The following HMCN1 variants were observed in gnomAD, a reference collection of about 807,000 sequenced individuals.
HMCN1 encodes hemicentin-1.
HMCN1 carries 321 observed loss-of-function variants against 625.9 expected under a neutral mutation model. That is an observed-to-expected ratio of 0.51 (90% CI 0.47 to 0.56). The LOEUF (loss-of-function observed/expected upper bound fraction) is 0.56, where lower values mean the gene tolerates loss of function less well. HMCN1 is among the 20% of genes least tolerant of loss of function. HMCN1 has a pLI of 0.00. For missense variants in HMCN1, 6,588 were observed against 6,887.3 expected, an observed-to-expected ratio of 0.96 and a Z score of 1.54; for synonymous variants, 2,425 against 2,417.6, an observed-to-expected ratio of 1.00 and a Z score of -0.09.
intron 15 of HMCN1, among the ~76,000 whole-genome samples, chr1:185,977,465 T>A (rs1053831192): frequency 1.3e-5 from 2 of 152,188 alleles, no homozygotes; most frequent in African/African-American, 4.8e-5. Flanking sequence ...TTGAGCAATT[T>A]GACATAAACT....
At chr1:185,990,161 T>G (rs1299348333) in intron 21 of HMCN1, 114 bp from the exon 22 acceptor site, 1 of 969,428 alleles carries the variant, frequency 1.0e-6, no homozygotes, top group African/African-American at 1.6e-5. Flanking sequence ...ATGTCCTGAA[T>G]AGCATCTTTT....
rs1339916215 is a variant in HMCN1, at chr1:186,112,933, A to G, written c.11111A>G (p.Glu3704Gly). 6.2e-7 allele frequency: 1 copy of G among 1,614,088 alleles called. No individual in the cohort carries two copies. Among genetic ancestry groups the G allele is most frequent in the South Asian group, 1.1e-5 (1 of 91,076 alleles). ...ASNIAGKTTR[E>G]FILTVNVPPN... The stretch of plus-strand genomic sequence containing the variant: ...AACATTGCAGGAAAGACTACAAGAG[A>G]ATTTATTCTCACTGTAAATGGTAAG... Residue 3704 changes from glutamate (E) to glycine (G), a missense_variant, in exon 72 of 107, where the codon GAA becomes GGA. Glu to Gly is a moderately conservative substitution (Grantham distance 98). Transcript: ENST00000271588.
chr1:185,759,351 C>A (rs968138270), intron 1 of HMCN1, among the ~76,000 whole-genome samples: 9 of 152,154 alleles, frequency 5.9e-5, no homozygotes, highest in Non-Finnish European at 1.3e-4. Context: ...AAGACGGGGA[C>A]ATTTTCATGA....
Position 186,015,916 on chromosome 1 carries a change from C to T in HMCN1, c.4910-42C>T, listed in dbSNP as rs190632713. ...ATTTCATTAGAATGTATTTTGTGAC[C>T]ACACAAATAATTGCCTGAAATATTG... On this transcript the variant is annotated intron_variant, in intron 31 of 106. Transcript: ENST00000271588. 1.6e-3 allele frequency: 2,474 copies of T among 1,559,314 alleles called. 23 individuals carry two copies. Among genetic ancestry groups the T allele is most frequent in the Middle Eastern group, 5.9e-3 (35 of 5,952 alleles).
intron 71 of HMCN1, among the ~76,000 whole-genome samples, chr1:186,112,569 A>G (rs1034592732): frequency 6.6e-6 from 1 of 152,182 alleles, no homozygotes; most frequent in Non-Finnish European, 1.5e-5. Flanking sequence ...TCACCTGCCC[A>G]TTCTTGAATG....
At chr1:186,048,580 A>G (rs551263858) in intron 41 of HMCN1, among the ~76,000 whole-genome samples, 163 bp from the exon 42 acceptor site, 56 of 152,240 alleles carry the variant, frequency 3.7e-4, no homozygotes, top group African/African-American at 1.3e-3. Flanking sequence ...GTTGTGTTGA[A>G]ACTGGGTGAT....
At chr1:185,808,415 A>AG (rs1161889775) in intron 1 of HMCN1, among the ~76,000 whole-genome samples, 1 of 152,132 alleles carries the variant, frequency 6.6e-6, no homozygotes, top group African/African-American at 2.4e-5. Context: ...ACTATTCCAG[A>AG]GGCTGAGGTG....
intron 4 of HMCN1, among the ~76,000 whole-genome samples, chr1:185,877,317 CTTTCTTTTTTTTTT>C (rs1243684597): frequency 2.3e-5 from 1 of 42,720 alleles, no homozygotes; most frequent in Non-Finnish European, 5.0e-5. Flanking sequence ...ATCTATGTGT[CTTTCTTTTTTTTTT>C]TTTTTTTTTT....
rs537132870 is a variant in HMCN1 at position 185,975,908 on chromosome 1, G to A, written c.2372-1879G>A. 3.3e-3 allele frequency among the ~76,000 whole-genome samples: 495 copies of A among 149,556 alleles called. 4 individuals are homozygous for A. Among genetic ancestry groups the A allele is most frequent in the African/African-American group, 0.011 (446 of 39,822 alleles). On this transcript the variant is annotated intron_variant, in intron 15 of 106. Coordinates refer to ENST00000271588, the MANE Select transcript of HMCN1 (RefSeq NM_031935.3). Reference sequence around the variant, plus strand: ...ACCAGACACACACACACACACACACGCACACACACACTGTGTTATTACTGA... The same window carrying A: ...ACCAGACACACACACACACACACACACACACACACACTGTGTTATTACTGA...
chr1:186,005,954 G>T (rs1487155308), intron 29 of HMCN1, among the ~76,000 whole-genome samples: 1 of 152,026 alleles, frequency 6.6e-6, no homozygotes, highest in Non-Finnish European at 1.5e-5. Context: ...TGGCCAACAT[G>T]GTGAAACTCC....
At chr1:185,768,174 C>T (rs780124308) in intron 1 of HMCN1, among the ~76,000 whole-genome samples, 2 of 152,146 alleles carry the variant, frequency 1.3e-5, no homozygotes, top group Non-Finnish European at 2.9e-5. Flanking sequence ...GAGAAAGAAG[C>T]CCACTTCGTT....
At chr1:185,818,116 A>G (rs925765418) in intron 1 of HMCN1, among the ~76,000 whole-genome samples, 23 of 152,176 alleles carry the variant, frequency 1.5e-4, no homozygotes, top group Non-Finnish European at 2.6e-4. Flanking sequence ...ACACACCTCT[A>G]TCTGCACCTA....
Position 186,067,914 on chromosome 1 carries a change from G to T in HMCN1, c.7786G>T (p.Val2596Phe), listed in dbSNP as rs762704282. Reference protein sequence around the residue: ...TVILNSPTSLVCEAYSYPPAT... With the variant: ...TVILNSPTSLFCEAYSYPPAT... ...CATCCTTAACAGCCCTACATCTTTG[G>T]TCTGTGAAGCTTATTCATATCCTCC... is the stretch of plus-strand genomic sequence containing the variant. Residue 2596 changes from valine to phenylalanine, a missense_variant, in exon 50 of 107, where the codon GTC becomes TTC. By Grantham distance (50) the Val-to-Phe change is conservative. Coordinates refer to ENST00000271588, the MANE Select transcript of HMCN1 (RefSeq NM_031935.3). The T allele has an allele frequency of 1.2e-6, 2 of 1,613,198 alleles. No individual in the cohort carries two copies. Among genetic ancestry groups the T allele is most frequent in the Non-Finnish European group, 1.7e-6 (2 of 1,179,274 alleles).
rs1414657014 is a variant in HMCN1, at chr1:186,041,117, C to T, written c.6285C>T (p.Asp2095=). 1 of 1,612,652 alleles carries T rather than the reference C, an allele frequency of 6.2e-7. No homozygotes were observed. The highest frequency in any genetic ancestry group is 8.5e-7 in the Non-Finnish European group (1 of 1,178,938). The change falls in exon 40 of 107, where the codon GAC becomes GAT. Residue 2095 remains aspartate, a synonymous_variant. Transcript: ENST00000271588. Reference sequence around the variant, plus strand: ...ATGCTGCTGGAGAAAAGCAAAGGGACATTGACCTCCGAGTATATGGTGAGA... The same window carrying T: ...ATGCTGCTGGAGAAAAGCAAAGGGATATTGACCTCCGAGTATATGGTGAGA... ...AVNAAGEKQR[D]IDLRVYVPPN... is the part of the protein sequence containing the mutation.
At chr1:186,111,406 C>T (rs1001757440) in intron 71 of HMCN1, among the ~76,000 whole-genome samples, 6 of 152,036 alleles carry the variant, frequency 3.9e-5, no homozygotes, top group East Asian at 1.9e-4. Flanking sequence ...CCCAGCACTT[C>T]GGAAGGCCAA....
At chr1:186,059,957 C>T (rs1029282999) in intron 46 of HMCN1, among the ~76,000 whole-genome samples, 1 of 152,016 alleles carries the variant, frequency 6.6e-6, no homozygotes, top group African/African-American at 2.4e-5. Context: ...TTTAATACCT[C>T]TCAACTGGAA....
chr1:185,900,926 T>C (rs1571530186), intron 4 of HMCN1, among the ~76,000 whole-genome samples: 1 of 151,768 alleles, frequency 6.6e-6, no homozygotes, highest in East Asian at 1.9e-4. Context: ...TCAAAATGAG[T>C]GCAAACCAAC....
chr1:186,138,054 C>A, intron 89 of HMCN1, 82 bp downstream of exon 89: 1 of 1,456,096 alleles, frequency 6.9e-7, no homozygotes, highest in East Asian at 2.4e-5. Context: ...GCCTTTTCTT[C>A]TTCATTGTAA....
At chr1:186,063,443 G>T (rs1441334506) in intron 48 of HMCN1, among the ~76,000 whole-genome samples, 1 of 136,578 alleles carries the variant, frequency 7.3e-6, no homozygotes, top group African/African-American at 2.9e-5. Flanking sequence ...AGGGAGGGAC[G>T]GAGAGAGAAG....
Sources: allele counts gnomAD v4.1 joint callset (sites outside exome capture counted in the v4.1 genomes callset), GRCh38; gene constraint gnomAD v4.1.1; transcripts MANE v1.5; gene names NCBI Gene and HGNC (gene_info 2026-07-23, HGNC 2026-07-21).